GUCY1A2: variants seen among roughly 807,000 people sequenced by gnomAD.
The protein encoded by GUCY1A2 is guanylate cyclase soluble subunit alpha-2.
A neutral mutation model predicts 63.5 loss-of-function variants in GUCY1A2; 27 were observed. The observed-to-expected ratio is 0.43, with a 90% CI of 0.31 to 0.59. GUCY1A2 has a LOEUF of 0.59. GUCY1A2 is among the 20% of genes least tolerant of loss of function. GUCY1A2 has a pLI of 0.11. For missense variants in GUCY1A2, 768 were observed against 913.3 expected (o/e 0.84, Z 2.05); for synonymous variants, 364 against 343.5 (o/e 1.06, Z -0.66).
chr11:106,926,523 T>C lies in GUCY1A2; in HGVS notation c.1206+12937A>G, dbSNP rs945788149. ...TGAGGTCAGAGCCTTGCTCAGATTATAGAGAACAGTTCATACCAGACCCAC... is the reference window on the plus strand; with the variant it reads ...TGAGGTCAGAGCCTTGCTCAGATTACAGAGAACAGTTCATACCAGACCCAC... On this transcript the variant is annotated intron_variant, in intron 4 of 7. Coordinates refer to ENST00000526355, the MANE Select transcript of GUCY1A2 (RefSeq NM_000855.3). Among the ~76,000 whole-genome samples the C allele has an allele frequency of 3.9e-5, 6 of 152,010 alleles. No individual in the cohort carries two copies. In the East Asian group the frequency reaches 1.2e-3, roughly 30 times the overall value.
intron 4 of GUCY1A2, among the ~76,000 whole-genome samples, chr11:106,862,625 C>T (rs1439888462): frequency 1.3e-5 from 2 of 152,022 alleles, no homozygotes; most frequent in African/African-American, 4.8e-5. Flanking sequence ...TAATTGCTGT[C>T]TTCCTTAGGC....
intron 5 of GUCY1A2, among the ~76,000 whole-genome samples, chr11:106,798,920 T>A (rs965211107): frequency 3.3e-5 from 5 of 152,134 alleles, no homozygotes; most frequent in African/African-American, 4.8e-5. Flanking sequence ...GCCAGGGCAA[T>A]CAGGCAGGAG....
At chr11:106,847,239 A>AT (rs1445269761) in intron 4 of GUCY1A2, among the ~76,000 whole-genome samples, 3 of 145,436 alleles carry the variant, frequency 2.1e-5, no homozygotes, top group Non-Finnish European at 3.0e-5. Context: ...CTCAAAAAAA[A>AT]AAATATATAT....
intron 6 of GUCY1A2, among the ~76,000 whole-genome samples, chr11:106,711,718 C>G (rs576103859): frequency 6.6e-6 from 1 of 152,090 alleles, no homozygotes; most frequent in Non-Finnish European, 1.5e-5. Flanking sequence ...ATTTCTTATA[C>G]TGTAGGCCCA....
intron 4 of GUCY1A2, among the ~76,000 whole-genome samples, chr11:106,812,806 G>A (rs115482631): frequency 0.013 from 2,005 of 152,006 alleles, 44 homozygotes; most frequent in African/African-American, 0.046. Context: ...GGAAGAAAAT[G>A]TTGTTGATTG....
chr11:106,677,161 T>G lies in GUCY1A2; in HGVS notation c.*10388A>C, dbSNP rs755882355. 45 of 216,912 alleles carry G rather than the reference T, an allele frequency of 2.1e-4. No homozygotes were observed. The highest frequency in any genetic ancestry group is 2.7e-3 in the Middle Eastern group (2 of 744). The allele number at this position is 216,912 out of a possible 1,614,324, so 13.4% of individuals were successfully genotyped here. ...TTATCTTATAAGAGCTAGAAAGAAATAAAGCAAAGAGGGAGGGAAGGAAAG... is the reference window on the plus strand; with the variant it reads ...TTATCTTATAAGAGCTAGAAAGAAAGAAAGCAAAGAGGGAGGGAAGGAAAG... On this transcript the variant is annotated 3_prime_UTR_variant, in exon 8 of 8. Transcript: ENST00000526355.
Position 106,940,020 on chromosome 11 carries a change from T to G in GUCY1A2, c.646A>C (p.Lys216Gln), listed in dbSNP as rs766435185. The G allele has an allele frequency of 2.5e-6, 4 of 1,614,094 alleles. No individual in the cohort carries two copies. Among genetic ancestry groups the G allele is most frequent in the Non-Finnish European group, 3.4e-6 (4 of 1,179,994 alleles). Reference protein sequence around the residue: ...LLEHIRTSFGKQATLESPSFL... With the variant: ...LLEHIRTSFGQQATLESPSFL... Reference sequence around the variant, plus strand: ...GATGGTGACTCCAGAGTGGCCTGTTTTCCAAAAGAAGTTCTAATGTGTTCC... The same window carrying G: ...GATGGTGACTCCAGAGTGGCCTGTTGTCCAAAAGAAGTTCTAATGTGTTCC... The change falls in exon 4 of 8, where the codon AAA becomes CAA. Residue 216 changes from lysine (K) to glutamine (Q), a missense_variant. This residue lies in a region of GUCY1A2 where 496 missense variants were observed against 486.9 expected (regional missense o/e 1.02). Coordinates refer to ENST00000526355, the MANE Select transcript of GUCY1A2 (RefSeq NM_000855.3).
chr11:106,692,422 T>C (rs952083822), intron 7 of GUCY1A2, among the ~76,000 whole-genome samples: 1 of 152,140 alleles, frequency 6.6e-6, no homozygotes, highest in Non-Finnish European at 1.5e-5. Context: ...CTCCCAAGCA[T>C]GTGCAGGAAG....
chr11:106,860,874 T>C (rs772836593), intron 4 of GUCY1A2, among the ~76,000 whole-genome samples: 5 of 151,942 alleles, frequency 3.3e-5, no homozygotes, highest in Non-Finnish European at 7.4e-5. Context: ...AGCTAAAGAA[T>C]ACCCATCCCA....
intron 6 of GUCY1A2, among the ~76,000 whole-genome samples, chr11:106,775,867 A>G (rs1176826627): frequency 6.6e-6 from 1 of 152,152 alleles, no homozygotes; most frequent in Non-Finnish European, 1.5e-5. Flanking sequence ...TTCATTCTTC[A>G]TTCCCAGAGG....
At chr11:106,807,149 C>T (rs929202643) in intron 5 of GUCY1A2, among the ~76,000 whole-genome samples, 1 of 151,966 alleles carries the variant, frequency 6.6e-6, no homozygotes, top group Non-Finnish European at 1.5e-5. Flanking sequence ...ACATAATTAC[C>T]CAAATTCTAT....
At chr11:106,937,089 TA>T (rs1860689427) in intron 4 of GUCY1A2, among the ~76,000 whole-genome samples, 1 of 152,146 alleles carries the variant, frequency 6.6e-6, no homozygotes. Context: ...TTACTGACCA[TA>T]GTATCAATTT....
chr11:106,708,707 C>G (rs199916103), intron 6 of GUCY1A2, 41 bp from the exon 7 acceptor site: 1,856 of 1,393,048 alleles, frequency 1.3e-3, no homozygotes, highest in Non-Finnish European at 1.6e-3. Context: ...TATTTGTTTC[C>G]ATTTGGTATG....
chr11:106,708,829 T>C (rs939426314), intron 6 of GUCY1A2, among the ~76,000 whole-genome samples, 163 bp from the exon 7 acceptor site: 1 of 151,766 alleles, frequency 6.6e-6, no homozygotes, highest in Non-Finnish European at 1.5e-5. Flanking sequence ...GCCTAATAGC[T>C]GGATCATTAT....
At chr11:106,757,156 G>A (rs7130142) in intron 6 of GUCY1A2, among the ~76,000 whole-genome samples, 4,605 of 151,950 alleles carry the variant, frequency 0.03, 74 homozygotes, top group Middle Eastern at 0.038. Context: ...TGAAGCTTGT[G>A]TATACTTCAT....
intron 5 of GUCY1A2, among the ~76,000 whole-genome samples, chr11:106,803,161 G>A (rs190161514): frequency 7.2e-5 from 11 of 152,238 alleles, no homozygotes; most frequent in Non-Finnish European, 1.3e-4. Context: ...TCAGGCTGCC[G>A]TATTAGAATA....
rs6144495 is a variant in GUCY1A2, at chr11:106,922,662, C to CAT, written c.1206+16796_1206+16797dup. On this transcript the variant is annotated intron_variant, in intron 4 of 7. Coordinates refer to ENST00000526355, the MANE Select transcript of GUCY1A2 (RefSeq NM_000855.3). ...TGGTAATTCAGTGCTTTGTTAACTA[C>CAT]ATATATATATATATATATATATATA... Among the ~76,000 whole-genome samples, 213 of 124,534 alleles carry CAT rather than the reference C, an allele frequency of 1.7e-3. 1 individual carries two copies. The highest frequency in any genetic ancestry group is 2.2e-3 in the Non-Finnish European group (131 of 60,642). 81.7% of individuals were successfully genotyped at this position (124,534 alleles called of 152,430 possible).
chr11:107,011,570 CAT>C lies in GUCY1A2; in HGVS notation c.303+6181_303+6182del, dbSNP rs560005592. ...TATAAATATATTTATAATATATACA[CAT>C]ATATATTTATAATATATAAATATAT... On this transcript the variant is annotated intron_variant, in intron 1 of 7. Transcript: ENST00000526355. Among the ~76,000 whole-genome samples the C allele has an allele frequency of 3.4e-3, 491 of 143,988 alleles. 1 individual carries two copies. Among genetic ancestry groups the C allele is most frequent in the Admixed American group, 7.1e-3 (102 of 14,268 alleles). 94.5% of individuals were successfully genotyped at this position (143,988 alleles called of 152,430 possible). A position where few individuals can be genotyped will look rare whatever the true frequency, so the allele number is the denominator to read the frequency against.
rs532378107 is a variant in GUCY1A2, at chr11:107,015,463, T to C, written c.303+2290A>G. On this transcript the variant is annotated intron_variant, in intron 1 of 7. Transcript: ENST00000526355. ...ATACTGCATTTCTCAGTTTCTTTTA[T>C]CTACTCCTCATGTAAGTTGTTGAAA... Among the ~76,000 whole-genome samples, 6 of 151,708 alleles carry C rather than the reference T, an allele frequency of 4.0e-5. No homozygotes were observed. In the South Asian group the frequency reaches 1.0e-3, roughly 26 times the overall value.
Sources: allele counts gnomAD v4.1 joint callset (sites outside exome capture counted in the v4.1 genomes callset), GRCh38; gene constraint gnomAD v4.1.1; regional missense constraint gnomAD v4.1.1; transcripts MANE v1.5; gene names NCBI Gene and HGNC (gene_info 2026-07-23, HGNC 2026-07-21).